TEX10: variants seen among roughly 807,000 people sequenced by gnomAD.
The protein encoded by TEX10 is testis expressed 10, also known as testis-expressed protein 10.
A neutral mutation model predicts 104.4 loss-of-function variants in TEX10; 24 were observed. That is an observed-to-expected ratio of 0.23 (90% CI 0.17 to 0.32). The LOEUF (loss-of-function observed/expected upper bound fraction) is 0.32. TEX10 is among the 10% of genes least tolerant of loss of function. TEX10 has a pLI of 1.00. For synonymous variants in TEX10, 396 were observed against 393.4 expected, an observed-to-expected ratio of 1.01 and a Z score of -0.08; for missense variants, 921 against 1,083.9, an observed-to-expected ratio of 0.85 and a Z score of 2.11.
chr9:100,310,939 CCTT>C (rs1207989193), intron 11 of TEX10, among the ~76,000 whole-genome samples: 2 of 151,920 alleles, frequency 1.3e-5, no homozygotes, highest in African/African-American at 4.8e-5. Flanking sequence ...GAATGAGAAA[CCTT>C]CTCTTCTTTC....
intron 14 of TEX10, 60 bp from the exon 15 acceptor site, chr9:100,302,364 GTA>G (rs1399176864): frequency 1.6e-5 from 19 of 1,212,636 alleles, no homozygotes; most frequent in African/African-American, 3.0e-5. Context: ...CTACCTGACA[GTA>G]TTTTTCACAC....
At chr9:100,339,397 G>A (rs2118914872) in intron 5 of TEX10, among the ~76,000 whole-genome samples, 1 of 140,656 alleles carries the variant, frequency 7.1e-6, no homozygotes, top group African/African-American at 2.7e-5. Flanking sequence ...AAACTGCTTA[G>A]GAGGGCAAGG....
chr9:100,329,616 C>A (rs963293052), intron 6 of TEX10, among the ~76,000 whole-genome samples: 3 of 152,070 alleles, frequency 2.0e-5, no homozygotes, highest in Non-Finnish European at 4.4e-5. Flanking sequence ...TAACCTTAAG[C>A]TAGAAAAAAG....
intron 13 of TEX10, chr9:100,307,820 T>A (rs1230983975): frequency 1.3e-5 from 2 of 152,160 alleles, no homozygotes; most frequent in African/African-American, 4.8e-5. Flanking sequence ...ACATTCAGTA[T>A]ATGTATTTTC....
chr9:100,324,621 G>C (rs1454763500), intron 9 of TEX10, among the ~76,000 whole-genome samples: 1 of 151,858 alleles, frequency 6.6e-6, no homozygotes. Flanking sequence ...GCCACAAAAA[G>C]ATAAAAGCAA....
At chr9:100,328,059 A>G in intron 7 of TEX10, 97 bp from the exon 8 acceptor site, 4 of 926,948 alleles carry the variant, frequency 4.3e-6, no homozygotes, top group Non-Finnish European at 3.0e-6. Flanking sequence ...AATATATCAC[A>G]AAGTGACTAA....
chr9:100,319,210 C>T (rs1484098980), intron 11 of TEX10, among the ~76,000 whole-genome samples: 1 of 151,652 alleles, frequency 6.6e-6, no homozygotes, highest in Non-Finnish European at 1.5e-5. Flanking sequence ...CAAAAAACAC[C>T]AAACCAAACC....
chr9:100,326,201 A>C (rs987852963), intron 9 of TEX10, 101 bp downstream of exon 9: 3 of 1,210,658 alleles, frequency 2.5e-6, no homozygotes, highest in Non-Finnish European at 2.3e-6. Flanking sequence ...AGTAAATGAA[A>C]GTAGTGTATG....
intron 3 of TEX10, 108 bp from the exon 4 acceptor site, chr9:100,346,423 T>G: frequency 8.0e-7 from 1 of 1,255,514 alleles, no homozygotes; most frequent in African/African-American, 1.5e-5. Flanking sequence ...CACCATGAAC[T>G]GATAATTACA....
chr9:100,338,369 C>T (rs1214479401), intron 5 of TEX10, among the ~76,000 whole-genome samples: 1 of 152,138 alleles, frequency 6.6e-6, no homozygotes, highest in Non-Finnish European at 1.5e-5. Flanking sequence ...GAGTACTGGG[C>T]CCCAGCCCTA....
In TEX10 at chr9:100,308,633, C is replaced by T; in HGVS notation, c.2332G>A (p.Val778Ile). 6.2e-7 allele frequency: 1 copy of T among 1,609,420 alleles called. No homozygotes were observed. Among genetic ancestry groups the T allele is most frequent in the Non-Finnish European group, 8.5e-7 (1 of 1,177,930 alleles). ...PDSTAGCVFGVICKLLDHTCV... is the reference protein window; with the variant it reads ...PDSTAGCVFGIICKLLDHTCV... ...GTATGATCCAGGAGCTTACAGATAACACCAAAAACACAGCCAGCCGTGCTG... is the reference window on the plus strand; with the variant it reads ...GTATGATCCAGGAGCTTACAGATAATACCAAAAACACAGCCAGCCGTGCTG... Residue 778 changes from valine (V) to isoleucine (I), a missense_variant, in exon 13 of 15, where the codon GTT (valine) becomes ATT (isoleucine). By Grantham distance (29) the Val-to-Ile change is conservative (BLOSUM62 3). This residue lies in a region of TEX10 where 753 missense variants were observed against 868.4 expected (regional missense o/e 0.87). Transcript: ENST00000374902.
intron 9 of TEX10, among the ~76,000 whole-genome samples, chr9:100,323,065 C>G (rs916925401): frequency 6.6e-6 from 1 of 152,064 alleles, no homozygotes. Context: ...CAAAGAAGTA[C>G]AAAATAGTGG....
Position 100,332,684 on chromosome 9 carries a change from G to A in TEX10, c.1251-2515C>T, listed in dbSNP as rs145837940. Among the ~76,000 whole-genome samples, 31 of 152,122 alleles carry A rather than the reference G, an allele frequency of 2.0e-4. No homozygotes were observed. In the East Asian group the frequency reaches 5.1e-3, roughly 25 times the overall value. On this transcript the variant is annotated intron_variant, in intron 5 of 14. Transcript: ENST00000374902. The stretch of plus-strand genomic sequence containing the variant: ...AAAATATAAAAAATTAGCCGGGCGC[G>A]GTGGCAGGCACCTGTAGTCCCAGCT...
intron 11 of TEX10, among the ~76,000 whole-genome samples, chr9:100,310,619 G>A (rs1053746825): frequency 6.6e-6 from 1 of 152,014 alleles, no homozygotes; most frequent in Non-Finnish European, 1.5e-5. Context: ...TGTATTCTTA[G>A]TAGAGATGGG....
chr9:100,338,410 G>T (rs999765482), intron 5 of TEX10, among the ~76,000 whole-genome samples: 5 of 152,170 alleles, frequency 3.3e-5, no homozygotes, highest in Non-Finnish European at 7.3e-5. Context: ...AAAGATATCA[G>T]TACCTGCCTG....
At chr9:100,338,736 A>G (rs1835075416) in intron 5 of TEX10, among the ~76,000 whole-genome samples, 1 of 152,146 alleles carries the variant, frequency 6.6e-6, no homozygotes, top group Non-Finnish European at 1.5e-5. Context: ...TACTAAAAAT[A>G]CAAAAATTAG....
At chr9:100,336,799 A>G (rs1835022369) in intron 5 of TEX10, among the ~76,000 whole-genome samples, 1 of 152,036 alleles carries the variant, frequency 6.6e-6, no homozygotes, top group African/African-American at 2.4e-5. Flanking sequence ...GACTTCCCTA[A>G]CTGTGATTTG....
chr9:100,308,604 A>G lies in TEX10; in HGVS notation c.2361T>C (p.Cys787=), dbSNP rs766528795. Residue 787 remains cysteine, a synonymous_variant, in exon 13 of 15, where the codon TGT becomes TGC. Coordinates refer to ENST00000374902, the MANE Select transcript of TEX10 (RefSeq NM_017746.4). ...GVICKLLDHT[C]VVSETLLPFL... ...ATGGCAGTAGAGTCTCACTAACTACACAAGTATGATCCAGGAGCTTACAGA... is the reference window on the plus strand; with the variant it reads ...ATGGCAGTAGAGTCTCACTAACTACGCAAGTATGATCCAGGAGCTTACAGA... 1.9e-5 allele frequency: 31 copies of G among 1,613,286 alleles called. 1 individual carries two copies. Among genetic ancestry groups the G allele is most frequent in the Non-Finnish European group, 2.2e-5 (26 of 1,179,604 alleles).
Position 100,303,641 on chromosome 9 carries a change from C to G in TEX10, c.2667G>C (p.Lys889Asn). ...TNAILVQQII[K>N]NITTLKSGSV... is the part of the protein sequence containing the mutation. ...GTACCATGCTTCTTACCGTGATATT[C>G]TTGATGATCTGCTGCACCAAGATCG... The change falls in exon 14 of 15, where the codon AAG becomes AAC. Residue 889 changes from lysine to asparagine, a missense_variant. Around this residue, in one of 3 missense-constraint regions of TEX10, gnomAD observed 753 missense variants for 868.4 expected, o/e 0.87. Coordinates refer to ENST00000374902, the MANE Select transcript of TEX10 (RefSeq NM_017746.4). 1 of 1,614,066 alleles carries G rather than the reference C, an allele frequency of 6.2e-7. No homozygotes were observed. Among genetic ancestry groups the G allele is most frequent in the Non-Finnish European group, 8.5e-7 (1 of 1,180,032 alleles).
Sources: allele counts gnomAD v4.1 joint callset (sites outside exome capture counted in the v4.1 genomes callset), GRCh38; gene constraint gnomAD v4.1.1; regional missense constraint gnomAD v4.1.1; transcripts MANE v1.5; gene names NCBI Gene and HGNC (gene_info 2026-07-23, HGNC 2026-07-21).